PRKG1: variants seen among roughly 807,000 people sequenced by gnomAD.
PRKG1 encodes protein kinase cGMP-dependent 1.
A neutral mutation model predicts 88.1 loss-of-function variants in PRKG1; 35 were observed. The observed-to-expected ratio is 0.40, with a 90% confidence interval of 0.30 to 0.53. The LOEUF (loss-of-function observed/expected upper bound fraction) is 0.53, where lower values mean the gene tolerates loss of function less well. Ranked by LOEUF, PRKG1 falls within the 20% of genes least tolerant of loss-of-function variation. The pLI is 0.59. For synonymous variants in PRKG1, 303 were observed against 292.5 expected, an observed-to-expected ratio of 1.04 and a Z score of -0.37; for missense variants, 540 against 839.8, an observed-to-expected ratio of 0.64 and a Z score of 4.41.
intron 4 of PRKG1, among the ~76,000 whole-genome samples, chr10:51,805,753 T>A (rs1236362753): frequency 6.6e-6 from 1 of 152,118 alleles, no homozygotes; most frequent in African/African-American, 2.4e-5. Context: ...GTTAATTTAT[T>A]TTCTTACTGC....
intron 3 of PRKG1, among the ~76,000 whole-genome samples, chr10:51,746,960 G>C (rs1837597898): frequency 6.6e-6 from 1 of 151,926 alleles, no homozygotes; most frequent in Non-Finnish European, 1.5e-5. Flanking sequence ...TGGCTTTTCT[G>C]GCTACCACCT....
chr10:52,224,138 G>A (rs1431968747), intron 9 of PRKG1, among the ~76,000 whole-genome samples: 1 of 152,064 alleles, frequency 6.6e-6, no homozygotes, highest in African/African-American at 2.4e-5. Context: ...CAAGGCCCCA[G>A]ACAACTTGCA....
upstream of PRKG1, among the ~76,000 whole-genome samples, chr10:51,072,766 C>A (rs572101795): frequency 1.3e-5 from 2 of 152,018 alleles, no homozygotes; most frequent in South Asian, 4.2e-4. Context: ...GTCATTTAGT[C>A]CTCTAATTAA....
At chr10:51,111,818 A>G (rs1384035907) in intron 1 of PRKG1, among the ~76,000 whole-genome samples, 1 of 152,154 alleles carries the variant, frequency 6.6e-6, no homozygotes, top group African/African-American at 2.4e-5. Flanking sequence ...GTTTTTACCC[A>G]AAGGTAGAAA....
intron 7 of PRKG1, among the ~76,000 whole-genome samples, chr10:52,082,242 C>T (rs544742833): frequency 1.4e-4 from 21 of 152,230 alleles, no homozygotes; most frequent in African/African-American, 4.1e-4. Flanking sequence ...GGGTCCCTCC[C>T]GCAACATATG....
chr10:51,969,933 C>G (rs1164282659), intron 5 of PRKG1, among the ~76,000 whole-genome samples: 5 of 150,660 alleles, frequency 3.3e-5, no homozygotes, highest in African/African-American at 1.2e-4. Flanking sequence ...TAAAGAATAC[C>G]TGTATACTTA....
chr10:51,128,131 G>C (rs1175192056), intron 1 of PRKG1, among the ~76,000 whole-genome samples: 1 of 151,870 alleles, frequency 6.6e-6, no homozygotes, highest in Non-Finnish European at 1.5e-5. Context: ...AAAATAAAAA[G>C]TTAAGAAAAA....
intron 2 of PRKG1, among the ~76,000 whole-genome samples, chr10:51,462,788 C>G (rs2132802077): frequency 6.6e-6 from 1 of 152,246 alleles, no homozygotes; most frequent in East Asian, 1.9e-4. Flanking sequence ...CAAATCTTCT[C>G]TCATACAAAC....
chr10:52,166,796 T>G (rs1564498333), intron 9 of PRKG1, among the ~76,000 whole-genome samples: 1 of 59,756 alleles, frequency 1.7e-5, no homozygotes, highest in African/African-American at 5.4e-5. Context: ...CCTATATATA[T>G]ACATATATAT....
chr10:51,146,076 C>A (rs1426688248), intron 1 of PRKG1, among the ~76,000 whole-genome samples: 2 of 151,882 alleles, frequency 1.3e-5, no homozygotes, highest in Non-Finnish European at 2.9e-5. Flanking sequence ...GCAGCCCCAG[C>A]TACTTTGGAG....
chr10:51,866,068 A>G (rs746215585), intron 4 of PRKG1, among the ~76,000 whole-genome samples: 3 of 152,042 alleles, frequency 2.0e-5, no homozygotes, highest in Non-Finnish European at 2.9e-5. Flanking sequence ...TAATCTTTGT[A>G]GAGAACCTAC....
chr10:51,429,077 G>A (rs293332), intron 2 of PRKG1, among the ~76,000 whole-genome samples: 86,467 of 151,968 alleles, frequency 0.57, 24,784 homozygotes, highest in Admixed American at 0.6. Context: ...GGTCCAGTGT[G>A]ATTTAAACTG....
At chr10:51,952,266 A>G (rs1289418326) in intron 5 of PRKG1, among the ~76,000 whole-genome samples, 1 of 152,210 alleles carries the variant, frequency 6.6e-6, no homozygotes, top group Non-Finnish European at 1.5e-5. Flanking sequence ...CTAAATCAGA[A>G]TCTAGGAGCA....
At chr10:51,174,177 GT>G (rs1208283641) in intron 2 of PRKG1, among the ~76,000 whole-genome samples, 1 of 151,842 alleles carries the variant, frequency 6.6e-6, no homozygotes, top group African/African-American at 2.4e-5. Flanking sequence ...AAAACATCAT[GT>G]TGGGCACTAT....
intron 4 of PRKG1, among the ~76,000 whole-genome samples, chr10:51,842,642 T>C (rs1462850278): frequency 6.6e-6 from 1 of 152,218 alleles, no homozygotes; most frequent in Non-Finnish European, 1.5e-5. Context: ...GCCACTAGAA[T>C]TTTATGTTAG....
At chr10:51,710,579 A>T (rs1029701421) in intron 3 of PRKG1, among the ~76,000 whole-genome samples, 2 of 152,248 alleles carry the variant, frequency 1.3e-5, no homozygotes, top group African/African-American at 4.8e-5. Context: ...TTCATTGAGC[A>T]GCTAATGGTC....
At chr10:51,481,033 G>A (rs1388019919) in intron 3 of PRKG1, among the ~76,000 whole-genome samples, 1 of 152,102 alleles carries the variant, frequency 6.6e-6, no homozygotes, top group East Asian at 1.9e-4. Context: ...GCTGTATATG[G>A]CATTTAATGA....
chr10:51,822,881 C>T (rs752960958), intron 4 of PRKG1, among the ~76,000 whole-genome samples: 16 of 152,024 alleles, frequency 1.1e-4, no homozygotes, highest in Non-Finnish European at 2.2e-4. Flanking sequence ...CTGATTTTTC[C>T]TTTGTTGGTG....
intron 2 of PRKG1, among the ~76,000 whole-genome samples, chr10:51,316,370 T>G (rs1841317837): frequency 6.6e-6 from 1 of 152,180 alleles, no homozygotes; most frequent in Non-Finnish European, 1.5e-5. Context: ...TTAAATCATG[T>G]AAGGAATATT....
Sources: allele counts gnomAD v4.1 joint callset (sites outside exome capture counted in the v4.1 genomes callset), GRCh38; gene constraint gnomAD v4.1.1; transcripts MANE v1.5; gene names NCBI Gene and HGNC (gene_info 2026-07-23, HGNC 2026-07-21).